The following ATP13A5 variants were observed in gnomAD, a reference collection of about 807,000 sequenced individuals.
ATP13A5 encodes ATPase 13A5, also known as probable cation-transporting ATPase 13A5.
Under a neutral mutation model 150.2 loss-of-function variants are expected in ATP13A5, and 149 were observed. The ratio of observed to expected loss-of-function variants is 0.99; its 90% CI spans 0.87 to 1.14. ATP13A5 has a LOEUF of 1.14. ATP13A5 is among the 50% of genes most tolerant of loss of function. ATP13A5 has a pLI of 0.00. For synonymous variants in ATP13A5, 497 were observed against 522.2 expected, an observed-to-expected ratio of 0.95 and a Z score of 0.66; for missense variants, 1,383 against 1,449.3, an observed-to-expected ratio of 0.95 and a Z score of 0.74.
chr3:193,340,803 C>T (rs916494882), intron 9 of ATP13A5, among the ~76,000 whole-genome samples: 1 of 152,136 alleles, frequency 6.6e-6, no homozygotes, highest in Non-Finnish European at 1.5e-5. Flanking sequence ...AAATTTGTGT[C>T]ATTTGTATAC....
chr3:193,289,191 G>A (rs1252650117), intron 26 of ATP13A5, among the ~76,000 whole-genome samples: 1 of 151,950 alleles, frequency 6.6e-6, no homozygotes, highest in African/African-American at 2.4e-5. Context: ...TCTTTTATCG[G>A]CAGAAAGACT....
chr3:193,287,047 G>A (rs1282363623), intron 26 of ATP13A5, among the ~76,000 whole-genome samples: 1 of 152,140 alleles, frequency 6.6e-6, no homozygotes, highest in Non-Finnish European at 1.5e-5. Context: ...GTCTAATCCA[G>A]AGCAAGGCCC....
chr3:193,277,584 C>A (rs1000096110), intron 28 of ATP13A5: 1 of 152,244 alleles, frequency 6.6e-6, no homozygotes, highest in East Asian at 1.9e-4. Flanking sequence ...ATTCTCACCC[C>A]TATGCTGATA....
chr3:193,288,203 TA>T (rs1382227117), intron 26 of ATP13A5, among the ~76,000 whole-genome samples: 1 of 152,154 alleles, frequency 6.6e-6, no homozygotes, highest in African/African-American at 2.4e-5. Flanking sequence ...GTATTTAGAA[TA>T]TTATATAAAC....
In ATP13A5 at chr3:193,362,567, CCAA is replaced by C. The variant is rs1713056063; in HGVS notation, c.452_454del (p.Val151del). 1.2e-6 allele frequency: 2 copies of C among 1,614,084 alleles called. No individual in the cohort carries two copies. The highest frequency in any genetic ancestry group is 4.5e-5 in the East Asian group (2 of 44,866). Reference sequence around the variant, plus strand: ...AGGGGTGACAAAACATTGTACTTACCCAACTTTCTGAAACCGCTTCTCCAGGTC... The same window carrying C: ...AGGGGTGACAAAACATTGTACTTACCCTTTCTGAAACCGCTTCTCCAGGTC... On this transcript the variant is annotated inframe_deletion and splice_region_variant, in exon 4 of 30. Transcript: ENST00000342358.
chr3:193,305,769 G>C, intron 22 of ATP13A5, 101 bp from the exon 23 acceptor site: 2 of 977,126 alleles, frequency 2.0e-6, no homozygotes, highest in South Asian at 1.4e-5. Flanking sequence ...GTATAACACT[G>C]TACTGTTTCA....
intron 28 of ATP13A5, among the ~76,000 whole-genome samples, chr3:193,279,016 T>G (rs1167769303): frequency 6.6e-6 from 1 of 152,192 alleles, no homozygotes; most frequent in Non-Finnish European, 1.5e-5. Context: ...TATAACTACT[T>G]TATAAAGGAT....
intron 1 of ATP13A5, among the ~76,000 whole-genome samples, chr3:193,378,176 A>C (rs1713709389): frequency 6.6e-6 from 1 of 152,134 alleles, no homozygotes; most frequent in Admixed American, 6.6e-5. Context: ...CCCAGGCCAC[A>C]TTCTACTCCT....
At chr3:193,344,911 A>T in intron 8 of ATP13A5, 92 bp downstream of exon 8, 1 of 1,277,028 alleles carries the variant, frequency 7.8e-7, no homozygotes, top group Non-Finnish European at 1.1e-6. Flanking sequence ...ATCTGAAAAG[A>T]TTATTTCTCC....
Position 193,319,112 on chromosome 3 carries a change from C to T in ATP13A5, c.1916-4G>A, listed in dbSNP as rs556913773. 1.2e-6 allele frequency: 2 copies of T among 1,609,408 alleles called. No individual in the cohort carries two copies. The highest frequency in any genetic ancestry group is 2.7e-5 in the African/African-American group (2 of 74,936). On this transcript the variant is annotated splice_polypyrimidine_tract_variant and splice_region_variant and intron_variant, in intron 16 of 29. Coordinates refer to ENST00000342358, the MANE Select transcript of ATP13A5 (RefSeq NM_198505.4). The stretch of plus-strand genomic sequence containing the variant: ...TCCTGTGGGAAATTCTTGGGCACTG[C>T]CAGGGTAGAAGAAACAGGTAAGTGT...
intron 8 of ATP13A5, among the ~76,000 whole-genome samples, chr3:193,344,453 A>G (rs1226548948): frequency 6.6e-6 from 1 of 152,126 alleles, no homozygotes; most frequent in African/African-American, 2.4e-5. Flanking sequence ...CTGCTGTCCC[A>G]GGGTGCAGCT....
At chr3:193,310,433 G>A (rs1025750086) in intron 21 of ATP13A5, among the ~76,000 whole-genome samples, 1 of 152,164 alleles carries the variant, frequency 6.6e-6, no homozygotes, top group Non-Finnish European at 1.5e-5. Context: ...AGCTCTTTGA[G>A]GAATTGTCAT....
intron 17 of ATP13A5, among the ~76,000 whole-genome samples, chr3:193,316,217 C>T (rs80162581): frequency 6.6e-6 from 1 of 151,912 alleles, no homozygotes; most frequent in African/African-American, 2.4e-5. Flanking sequence ...CAATGATGAA[C>T]ATTTAGGTTG....
intron 11 of ATP13A5, among the ~76,000 whole-genome samples, chr3:193,331,796 C>T (rs1039653478): frequency 6.6e-6 from 1 of 152,102 alleles, no homozygotes; most frequent in Non-Finnish European, 1.5e-5. Context: ...TATTAGGCTA[C>T]GTATATTATT....
At chr3:193,280,143 C>T (rs1717419471) in intron 27 of ATP13A5, among the ~76,000 whole-genome samples, 1 of 152,068 alleles carries the variant, frequency 6.6e-6, no homozygotes. Flanking sequence ...CTCCGCCTCC[C>T]TGGTTCAAGC....
rs747676724 is a variant in ATP13A5 at position 193,344,008 on chromosome 3, T to G, written c.862A>C (p.Ile288Leu). The G allele has an allele frequency of 6.2e-7, 1 of 1,613,374 alleles. No homozygotes were observed. Among genetic ancestry groups the G allele is most frequent in the Admixed American group, 1.7e-5 (1 of 59,932 alleles). Residue 288 changes from isoleucine (I) to leucine (L), a missense_variant, in exon 9 of 30, where the codon ATT (isoleucine) becomes CTT (leucine). By Grantham distance (5) the Ile-to-Leu change is conservative. Around this residue, in one of 3 missense-constraint regions of ATP13A5, gnomAD observed 787 missense variants for 771.9 expected, o/e 1.02. Transcript: ENST00000342358. Reference protein sequence around the residue: ...SRLLVPGDILILPGKFSLPCD... With the variant: ...SRLLVPGDILLLPGKFSLPCD... ...GGCAATGAAAATTTTCCTGGAAGAA[T>G]AAGAATGTCTCCGGGAACCAAGAGA...
chr3:193,365,109 AG>A (rs1713192180), intron 1 of ATP13A5, among the ~76,000 whole-genome samples: 1 of 152,122 alleles, frequency 6.6e-6, no homozygotes, highest in African/African-American at 2.4e-5. Flanking sequence ...GAAGCCCCTG[AG>A]GGATGCTGAT....
intron 25 of ATP13A5, among the ~76,000 whole-genome samples, chr3:193,291,765 G>C (rs964518804): frequency 6.6e-6 from 1 of 152,022 alleles, no homozygotes. Context: ...GTCACCCATC[G>C]ATGTGCCAAG....
chr3:193,325,027 G>C lies in ATP13A5; in HGVS notation c.1524-13C>G, dbSNP rs374011624. ...GGCTTCCTGGAAGCTGGTAGAGAAG[G>C]TAATGTTAAAGTCTTTGATAAAATC... On this transcript the variant is annotated splice_polypyrimidine_tract_variant and intron_variant, in intron 13 of 29. Coordinates refer to ENST00000342358, the MANE Select transcript of ATP13A5 (RefSeq NM_198505.4). 1 of 1,607,588 alleles carries C rather than the reference G, an allele frequency of 6.2e-7. No individual in the cohort carries two copies. The highest frequency in any genetic ancestry group is 8.5e-7 in the Non-Finnish European group (1 of 1,177,112).
Sources: allele counts gnomAD v4.1 joint callset (sites outside exome capture counted in the v4.1 genomes callset), GRCh38; gene constraint gnomAD v4.1.1; regional missense constraint gnomAD v4.1.1; transcripts MANE v1.5; gene names NCBI Gene and HGNC (gene_info 2026-07-23, HGNC 2026-07-21).